FHL2: variants seen among roughly 807,000 people sequenced by gnomAD.
FHL2 encodes four and a half LIM domains 2.
FHL2 carries 20 observed loss-of-function variants against 32.7 expected under a neutral mutation model. That is an observed-to-expected ratio of 0.61 (90% confidence interval 0.43 to 0.89). The LOEUF is 0.89. Ranked by LOEUF, FHL2 falls within the 40% of genes least tolerant of loss-of-function variation. The probability of loss-of-function intolerance (pLI) is 0.00; values close to 1 mark genes in which losing one functional copy is unlikely to be tolerated. For missense variants in FHL2, 311 were observed against 358.6 expected (o/e 0.87, Z 1.07); for synonymous variants, 123 against 128.1 (o/e 0.96, Z 0.27).
At chr2:105,397,473 G>C (rs1410778856) in intron 1 of FHL2, among the ~76,000 whole-genome samples, 3 of 152,252 alleles carry the variant, frequency 2.0e-5, no homozygotes, top group African/African-American at 4.8e-5. Context: ...TGCACAGGTT[G>C]AGGGACCCGG....
intron 2 of FHL2, among the ~76,000 whole-genome samples, chr2:105,395,866 G>A (rs1186583109): frequency 1.3e-5 from 2 of 152,308 alleles, no homozygotes; most frequent in East Asian, 3.9e-4. Flanking sequence ...AAAGGCGTGG[G>A]CCACCGAAGG....
At chr2:105,363,503 C>A in intron 5 of FHL2, 32 bp from the exon 6 acceptor site, 1 of 1,567,724 alleles carries the variant, frequency 6.4e-7, no homozygotes, top group East Asian at 2.3e-5. Flanking sequence ...TTAGTGTGGC[C>A]TCTGTGCTTG....
At chr2:105,379,602 C>G (rs151209149) in intron 3 of FHL2, among the ~76,000 whole-genome samples, 43 of 152,326 alleles carry the variant, frequency 2.8e-4, no homozygotes, top group African/African-American at 9.4e-4. Flanking sequence ...TGCCCTTCCA[C>G]CTGAAATGAT....
upstream of FHL2, among the ~76,000 whole-genome samples, chr2:105,400,355 C>T (rs76276545): frequency 7.9e-5 from 12 of 152,186 alleles, no homozygotes; most frequent in East Asian, 7.7e-4. Context: ...ACTAGATGTG[C>T]GGAATACAGC....
chr2:105,417,137 A>C (rs1360719814), intron 1 of FHL2, among the ~76,000 whole-genome samples: 2 of 152,152 alleles, frequency 1.3e-5, no homozygotes, highest in Non-Finnish European at 2.9e-5. Flanking sequence ...TAATCCCAGC[A>C]CTTTGGGAGG....
intron 5 of FHL2, among the ~76,000 whole-genome samples, chr2:105,364,341 T>TA (rs781607132): frequency 6.6e-6 from 1 of 152,222 alleles, no homozygotes. Flanking sequence ...TCCAGCCACT[T>TA]ACGGTGAAAG....
At chr2:105,395,876 G>C (rs1189415594) in intron 2 of FHL2, among the ~76,000 whole-genome samples, 1 of 152,188 alleles carries the variant, frequency 6.6e-6, no homozygotes, top group African/African-American at 2.4e-5. Context: ...GCCACCGAAG[G>C]CTGAGGATGA....
chr2:105,421,284 G>T (rs1452909398), intron 1 of FHL2, among the ~76,000 whole-genome samples: 4 of 152,198 alleles, frequency 2.6e-5, no homozygotes, highest in Non-Finnish European at 5.9e-5. Flanking sequence ...GTGATCTGGG[G>T]CTTTGTGGCA....
chr2:105,379,534 T>A (rs1681727626), intron 3 of FHL2, among the ~76,000 whole-genome samples: 1 of 152,238 alleles, frequency 6.6e-6, no homozygotes. Context: ...GTTTTATTCT[T>A]ATAGATGAGC....
chr2:105,418,680 A>G (rs1175553821), intron 1 of FHL2, among the ~76,000 whole-genome samples: 1 of 152,192 alleles, frequency 6.6e-6, no homozygotes, highest in Non-Finnish European at 1.5e-5. Context: ...TTATTCATAC[A>G]GTAGCGCCCT....
At chr2:105,428,733 T>A (rs970747564) in intron 1 of FHL2, among the ~76,000 whole-genome samples, 1 of 152,198 alleles carries the variant, frequency 6.6e-6, no homozygotes, top group Non-Finnish European at 1.5e-5. Flanking sequence ...GGACCCTGTG[T>A]CCCTCACTGG....
At chr2:105,418,823 TTATTA>T (rs1258492109) in intron 1 of FHL2, among the ~76,000 whole-genome samples, 10 of 152,238 alleles carry the variant, frequency 6.6e-5, no homozygotes, top group African/African-American at 2.4e-4. Flanking sequence ...CACATACCTT[TTATTA>T]CAGCATATTG....
chr2:105,383,198 T>C (rs1030743663), intron 3 of FHL2, among the ~76,000 whole-genome samples: 4 of 152,214 alleles, frequency 2.6e-5, no homozygotes, highest in African/African-American at 9.6e-5. Flanking sequence ...ATTTTTTCTT[T>C]AGTTGGTTGA....
intron 1 of FHL2, among the ~76,000 whole-genome samples, chr2:105,436,457 T>G (rs897063134): frequency 2.6e-4 from 40 of 152,166 alleles, no homozygotes; most frequent in Non-Finnish European, 1.5e-4. Flanking sequence ...CATAATGATA[T>G]ATAGAGATAA....
intron 1 of FHL2, among the ~76,000 whole-genome samples, chr2:105,397,914 G>A (rs1316706064): frequency 6.7e-6 from 1 of 148,830 alleles, no homozygotes; most frequent in East Asian, 1.9e-4. Flanking sequence ...AACATCTTCA[G>A]GATAGTGCAA....
chr2:105,378,382 C>T, intron 3 of FHL2: 1 of 349,636 alleles, frequency 2.9e-6, no homozygotes, highest in Non-Finnish European at 5.6e-6. Flanking sequence ...GATCCCACCT[C>T]GCAAGGTGAA....
chr2:105,379,509 ACT>A (rs1190727387), intron 3 of FHL2, among the ~76,000 whole-genome samples: 1 of 152,200 alleles, frequency 6.6e-6, no homozygotes, highest in Non-Finnish European at 1.5e-5. Flanking sequence ...CCATACGATA[ACT>A]CTATGAAATA....
upstream of FHL2, among the ~76,000 whole-genome samples, chr2:105,399,822 C>G (rs983810074): frequency 3.3e-5 from 5 of 152,136 alleles, no homozygotes; most frequent in African/African-American, 1.2e-4. Flanking sequence ...AACATTTGCT[C>G]CTGAGCAGGT....
chr2:105,363,379 C>T lies in FHL2; in HGVS notation c.594G>A (p.Gln198=), dbSNP rs1573274230. The change falls in exon 6 of 7, where the codon CAG becomes CAA. Residue 198 remains glutamine, a synonymous_variant. Coordinates refer to ENST00000530340, the MANE Select transcript of FHL2 (RefSeq NM_001318895.3). ...CAAAGTCATCGCGAGCTGTGAAGCG[C>T]TGCCCAGACAGCTGCTTCCTGCAGG... is the stretch of plus-strand genomic sequence containing the variant. ...CTACRKQLSG[Q]RFTARDDFAY... 1 of 1,614,150 alleles carries T rather than the reference C, an allele frequency of 6.2e-7. No individual in the cohort carries two copies. The highest frequency in any genetic ancestry group is 8.5e-7 in the Non-Finnish European group (1 of 1,180,020).
Sources: allele counts gnomAD v4.1 joint callset (sites outside exome capture counted in the v4.1 genomes callset), GRCh38; gene constraint gnomAD v4.1.1; transcripts MANE v1.5; gene names NCBI Gene and HGNC (gene_info 2026-07-23, HGNC 2026-07-21).